Variants in RPS6KC1 observed in about 807,000 individuals in gnomAD.
RPS6KC1 encodes the protein inactive ribosomal protein S6 kinase delta-1.
A neutral mutation model predicts 103.8 loss-of-function variants in RPS6KC1; 54 were observed. The observed-to-expected ratio is 0.52, with a 90% CI of 0.42 to 0.65. RPS6KC1 has a LOEUF of 0.65. Among genes scored for constraint, RPS6KC1 ranks in the 30% least tolerant of loss-of-function variants. RPS6KC1 has a pLI of 0.00. For missense variants in RPS6KC1, 1,151 were observed against 1,253.8 expected (o/e 0.92, Z 1.24); for synonymous variants, 439 against 438.7 (o/e 1.00, Z -0.01).
At chr1:213,202,000 G>T (rs1470709879) in intron 8 of RPS6KC1, among the ~76,000 whole-genome samples, 1 of 152,118 alleles carries the variant, frequency 6.6e-6, no homozygotes, top group African/African-American at 2.4e-5. Context: ...TACATATTAT[G>T]TGTACACCAT....
chr1:213,781,339 A>G, the RPS6KC1 span, among the ~76,000 whole-genome samples: 1 of 152,204 alleles, frequency 6.6e-6, no homozygotes, highest in East Asian at 1.9e-4. Flanking sequence ...TGCTGGGAAG[A>G]TGAAGCCATT....
chr1:213,089,492 G>GCCCTTGTCA (rs1213326935), intron 3 of RPS6KC1, among the ~76,000 whole-genome samples: 2 of 146,076 alleles, frequency 1.4e-5, no homozygotes, highest in Non-Finnish European at 3.0e-5. Flanking sequence ...ATGGAGTTTT[G>GCCCTTGTCA]CCCTTGTCAC....
the RPS6KC1 span, among the ~76,000 whole-genome samples, chr1:213,844,665 C>T: frequency 6.6e-6 from 1 of 152,084 alleles, no homozygotes; most frequent in African/African-American, 2.4e-5. Context: ...TAAAAATCTG[C>T]TTGAAAATCA....
chr1:213,307,861 C>G, the RPS6KC1 span, among the ~76,000 whole-genome samples: 1 of 152,164 alleles, frequency 6.6e-6, no homozygotes, highest in African/African-American at 2.4e-5. Context: ...TTCTCATCAG[C>G]TTACCTCTCT....
the RPS6KC1 span, among the ~76,000 whole-genome samples, chr1:213,771,286 A>G: frequency 6.6e-6 from 1 of 152,208 alleles, no homozygotes; most frequent in South Asian, 2.1e-4. Flanking sequence ...GATGTGTCCT[A>G]GAAGAAATCA....
chr1:213,702,609 ATATAT>A, the RPS6KC1 span, among the ~76,000 whole-genome samples: 1 of 152,040 alleles, frequency 6.6e-6, no homozygotes, highest in African/African-American at 2.4e-5. Flanking sequence ...GTTGGTGCAC[ATATAT>A]TTAAAATTGT....
At chr1:213,635,152 T>C in the RPS6KC1 span, among the ~76,000 whole-genome samples, 3 of 152,002 alleles carry the variant, frequency 2.0e-5, no homozygotes, top group African/African-American at 7.3e-5. Context: ...CCAAAAAAAG[T>C]CCAGGACCAG....
At chr1:213,633,192 A>G in the RPS6KC1 span, among the ~76,000 whole-genome samples, 283 of 152,334 alleles carry the variant, frequency 1.9e-3, no homozygotes, top group Non-Finnish European at 3.2e-3. Flanking sequence ...CAGGAAATAC[A>G]GAGAACACCA....
the RPS6KC1 span, among the ~76,000 whole-genome samples, chr1:213,703,145 T>C: frequency 1.1e-4 from 16 of 152,176 alleles, no homozygotes; most frequent in Non-Finnish European, 2.4e-4. Flanking sequence ...GCAAATGCTA[T>C]CTTATAGCCC....
At chr1:213,294,759 T>G in the RPS6KC1 span, among the ~76,000 whole-genome samples, 1 of 152,342 alleles carries the variant, frequency 6.6e-6, no homozygotes, top group South Asian at 2.1e-4. Flanking sequence ...GTTTCATCTC[T>G]GATATCCAGG....
chr1:213,557,925 A>G, the RPS6KC1 span, among the ~76,000 whole-genome samples: 1 of 152,230 alleles, frequency 6.6e-6, no homozygotes, highest in Non-Finnish European at 1.5e-5. Context: ...GGTGCCCGTC[A>G]TATTTTGTGA....
chr1:213,067,112 A>G (rs2078400156), intron 1 of RPS6KC1, among the ~76,000 whole-genome samples: 1 of 152,312 alleles, frequency 6.6e-6, no homozygotes, highest in African/African-American at 2.4e-5. Context: ...GGACTGAACC[A>G]GTGTACATCT....
At chr1:213,467,174 A>G in the RPS6KC1 span, among the ~76,000 whole-genome samples, 8 of 152,206 alleles carry the variant, frequency 5.3e-5, no homozygotes, top group Non-Finnish European at 1.0e-4. Flanking sequence ...GGAGATACTG[A>G]GAATTGATTA....
At chr1:213,592,728 A>G in the RPS6KC1 span, among the ~76,000 whole-genome samples, 510 of 152,324 alleles carry the variant, frequency 3.3e-3, 1 homozygote, top group Non-Finnish European at 5.6e-3. Context: ...TGGATTTTAA[A>G]TATTAATTAA....
the RPS6KC1 span, among the ~76,000 whole-genome samples, chr1:213,532,958 G>A: frequency 6.6e-6 from 1 of 152,244 alleles, no homozygotes; most frequent in East Asian, 1.9e-4. Context: ...GGGGAGAGCA[G>A]AGGGAGAGTG....
At chr1:213,775,047 C>T in the RPS6KC1 span, among the ~76,000 whole-genome samples, 1 of 152,086 alleles carries the variant, frequency 6.6e-6, no homozygotes, top group African/African-American at 2.4e-5. Context: ...TTTGAGGGGA[C>T]ATGGAGACCT....
At chr1:213,733,546 T>A in the RPS6KC1 span, among the ~76,000 whole-genome samples, 5 of 142,042 alleles carry the variant, frequency 3.5e-5, no homozygotes, top group African/African-American at 1.1e-4. Context: ...TATTTTTAGT[T>A]TGTTTTTTTT....
At chr1:213,070,912 T>C in intron 1 of RPS6KC1, 94 bp from the exon 2 acceptor site, 1 of 782,124 alleles carries the variant, frequency 1.3e-6, no homozygotes. Flanking sequence ...GCAAATTGAA[T>C]TTTTCATACA....
chr1:213,409,134 C>T, the RPS6KC1 span, among the ~76,000 whole-genome samples: 1 of 152,132 alleles, frequency 6.6e-6, no homozygotes, highest in South Asian at 2.1e-4. Flanking sequence ...CCTGGTGCCA[C>T]ACGATTATTA....
Sources: gnomAD v4.1 joint callset for allele counts (sites outside exome capture counted in the v4.1 genomes callset) on GRCh38, gnomAD v4.1.1 for gene constraint, MANE v1.5 for transcripts, NCBI Gene and HGNC (gene_info 2026-07-23, HGNC 2026-07-21) for gene names.